CLK3: variants seen among roughly 807,000 people sequenced by gnomAD.
The protein encoded by CLK3 is dual specificity protein kinase CLK3.
CLK3 carries 24 observed loss-of-function variants against 65.2 expected under a neutral mutation model. That is an observed-to-expected ratio of 0.37 (90% CI 0.27 to 0.52). CLK3 has a LOEUF of 0.52. Ranked by LOEUF, CLK3 falls within the 20% of genes least tolerant of loss-of-function variation. The probability of loss-of-function intolerance (pLI) is 0.92; values close to 1 mark genes in which losing one functional copy is unlikely to be tolerated. For synonymous variants in CLK3, 252 were observed against 240.8 expected, an observed-to-expected ratio of 1.05 and a Z score of -0.43; for missense variants, 506 against 660.0, an observed-to-expected ratio of 0.77 and a Z score of 2.56.
chr15:74,617,297 G>A (rs186538370), intron 1 of CLK3, among the ~76,000 whole-genome samples: 27 of 152,314 alleles, frequency 1.8e-4, no homozygotes, highest in African/African-American at 6.5e-4. Context: ...CAGTTTCCTT[G>A]GAAGGGACTT....
In CLK3 at chr15:74,620,200, C is replaced by T; in HGVS notation, c.344C>T (p.Thr115Ile). The change falls in exon 3 of 13, where the codon ACC becomes ATC. Residue 115 changes from threonine to isoleucine, a missense_variant. By Grantham distance (89) the Thr-to-Ile change is moderately conservative (BLOSUM62 -1). Coordinates refer to ENST00000395066, the MANE Select transcript of CLK3 (RefSeq NM_001130028.2). ...KHAHHCHKRR[T>I]RSCSSASSRS... ...GCCCACCACTGCCACAAACGCCGCA[C>T]CAGGTCTTGTAGCAGCGCCTCCTCG... is the stretch of plus-strand genomic sequence containing the variant. 2 of 1,614,094 alleles carry T rather than the reference C, an allele frequency of 1.2e-6. No homozygotes were observed. Among genetic ancestry groups the T allele is most frequent in the Non-Finnish European group, 1.7e-6 (2 of 1,180,038 alleles).
Position 74,627,808 on chromosome 15 carries a change from C to T in CLK3, c.1042+140C>T. ...AGACCAAGGGGCCAGTGTCATGAGA[C>T]ACAGGTGACTGACCTGGCTTTATCT... On this transcript the variant is annotated intron_variant, in intron 9 of 12. Coordinates refer to ENST00000395066, the MANE Select transcript of CLK3 (RefSeq NM_001130028.2). This position sits in a 1 kb window ranked among gnomAD's most constrained non-coding sequence, Gnocchi z 4.3. The T allele has an allele frequency of 7.6e-7, 1 of 1,307,514 alleles. No homozygotes were observed. 81.0% of individuals were successfully genotyped at this position (1,307,514 alleles called of 1,614,324 possible). A position where few individuals can be genotyped will look rare whatever the true frequency, so the allele number is the denominator to read the frequency against.
upstream of CLK3, chr15:74,614,958 C>G (rs976497780): frequency 6.5e-6 from 1 of 154,686 alleles, no homozygotes; most frequent in Non-Finnish European, 1.4e-5. Context: ...GCGGGACGCG[C>G]ACGCTCACAG....
At chr15:74,628,163 C>T (rs2062158799) in intron 10 of CLK3, 111 bp downstream of exon 10, 2 of 750,390 alleles carry the variant, frequency 2.7e-6, no homozygotes, top group African/African-American at 1.7e-5. Flanking sequence ...TCTTCCTCCT[C>T]CCACTAATCA....
In CLK3 at chr15:74,622,724, C is replaced by G. The variant is rs1267408464; in HGVS notation, c.533+164C>G. 6.6e-6 allele frequency among the ~76,000 whole-genome samples: 1 copy of G among 152,072 alleles called. No individual in the cohort carries two copies. The highest frequency in any genetic ancestry group is 1.5e-5 in the Non-Finnish European group (1 of 68,016). On this transcript the variant is annotated intron_variant, in intron 5 of 12. Transcript: ENST00000395066. The surrounding 1 kb of genome is among the most constrained non-coding windows in gnomAD (Gnocchi z 4.6). ...TGTCCATGTTGGGGTTTTGCTGACC[C>G]CCTGTAATAAGGGAGAAATTCTTGG...
upstream of CLK3, chr15:74,615,628 G>A (rs1257803567): frequency 1.6e-6 from 2 of 1,252,176 alleles, no homozygotes; most frequent in Non-Finnish European, 2.0e-6. Context: ...GCGACACGGC[G>A]GGAGGCGGGC....
chr15:74,621,979 TG>T lies in CLK3; in HGVS notation c.370-138del, dbSNP rs762417322. 9 of 730,806 alleles carry T rather than the reference TG, an allele frequency of 1.2e-5. No individual in the cohort carries two copies. Among genetic ancestry groups the T allele is most frequent in the Non-Finnish European group, 2.0e-5 (8 of 404,244 alleles). 45.3% of individuals were successfully genotyped at this position (730,806 alleles called of 1,614,324 possible). A position where few individuals can be genotyped will look rare whatever the true frequency, so the allele number is the denominator to read the frequency against. ...ATATGCTGTGTGCCTTATGAAATGC[TG>T]GGATCTGGAAAATCCAACCAACCAA... On this transcript the variant is annotated intron_variant, in intron 3 of 12. Transcript: ENST00000395066. This position sits in a 1 kb window ranked among gnomAD's most constrained non-coding sequence, Gnocchi z 4.8.
chr15:74,625,863 C>T lies in CLK3; in HGVS notation c.712C>T (p.Leu238Phe). ...CGGTCACATGTGCATCGCCTTTGAGCTCCTGGGCAAGAACACCTTTGAGTT... is the reference window on the plus strand; with the variant it reads ...CGGTCACATGTGCATCGCCTTTGAGTTCCTGGGCAAGAACACCTTTGAGTT... ...FHGHMCIAFELLGKNTFEFLK... is the reference protein window; with the variant it reads ...FHGHMCIAFEFLGKNTFEFLK... Residue 238 changes from leucine (L) to phenylalanine (F), a missense_variant, in exon 7 of 13, where the codon CTC becomes TTC. Around this residue, in one of 2 missense-constraint regions of CLK3, gnomAD observed 325 missense variants for 500.5 expected, o/e 0.65. Coordinates refer to ENST00000395066, the MANE Select transcript of CLK3 (RefSeq NM_001130028.2). 1 of 1,614,138 alleles carries T rather than the reference C, an allele frequency of 6.2e-7. No individual in the cohort carries two copies. Among genetic ancestry groups the T allele is most frequent in the South Asian group, 1.1e-5 (1 of 91,084 alleles).
Position 74,620,221 on chromosome 15 carries a change from C to G in CLK3, c.365C>G (p.Ser122Cys). ...CGCACCAGGTCTTGTAGCAGCGCCTCCTCGGTGAGTGGTAGCCAGAGTGTG... is the reference window on the plus strand; with the variant it reads ...CGCACCAGGTCTTGTAGCAGCGCCTGCTCGGTGAGTGGTAGCCAGAGTGTG... ...KRRTRSCSSA[S>C]SRSQQSSKRS... The change falls in exon 3 of 13, where the codon TCC becomes TGC. Residue 122 changes from serine (S) to cysteine (C), a missense_variant. Coordinates refer to ENST00000395066, the MANE Select transcript of CLK3 (RefSeq NM_001130028.2). The G allele has an allele frequency of 6.2e-7, 1 of 1,613,990 alleles. No homozygotes were observed.
upstream of CLK3, among the ~76,000 whole-genome samples, chr15:74,612,997 G>A (rs1260158150): frequency 6.6e-6 from 1 of 152,246 alleles, no homozygotes; most frequent in Non-Finnish European, 1.5e-5. Flanking sequence ...TGAGCAGGGG[G>A]GCAGGCCAGG....
In CLK3 at chr15:74,617,661, G is replaced by GT. The variant is rs1596286071; in HGVS notation, c.1-1535dup. On this transcript the variant is annotated intron_variant, in intron 1 of 12. Coordinates refer to ENST00000395066, the MANE Select transcript of CLK3 (RefSeq NM_001130028.2). ...GTCCCAGGAGGTAGTCTTTGGCGTGGTGTGACTGTGACTGTGTCCTCCAGC... is the reference window on the plus strand; with the variant it reads ...GTCCCAGGAGGTAGTCTTTGGCGTGGTTGTGACTGTGACTGTGTCCTCCAGC... Among the ~76,000 whole-genome samples, 4 of 152,354 alleles carry GT rather than the reference G, an allele frequency of 2.6e-5. No individual in the cohort carries two copies. In the East Asian group the frequency reaches 7.7e-4, roughly 29 times the overall value.
chr15:74,615,374 C>A, upstream of CLK3: 1 of 1,181,650 alleles, frequency 8.5e-7, no homozygotes, highest in Middle Eastern at 3.2e-4. Flanking sequence ...TCGTTTCGCG[C>A]AAGCGGAGTC....
In CLK3 at chr15:74,624,020, G is replaced by T. The variant is rs1258672669; in HGVS notation, c.534-882G>T. On this transcript the variant is annotated intron_variant, in intron 5 of 12. Coordinates refer to ENST00000395066, the MANE Select transcript of CLK3 (RefSeq NM_001130028.2). The surrounding 1 kb of genome is among the most constrained non-coding windows in gnomAD (Gnocchi z 4.2). ...TGGGAAAATAGGTAGGGAGAAAAAA[G>T]CAGGGGATTCTCTAGAAGGTCCCTT... 1 of 152,226 alleles carries T rather than the reference G, an allele frequency of 6.6e-6. No individual in the cohort carries two copies. The highest frequency in any genetic ancestry group is 1.5e-5 in the Non-Finnish European group (1 of 68,054). 9.4% of individuals were successfully genotyped at this position (152,226 alleles called of 1,614,324 possible).
chr15:74,617,686 C>T (rs2062071066), intron 1 of CLK3, among the ~76,000 whole-genome samples: 1 of 152,242 alleles, frequency 6.6e-6, no homozygotes, highest in African/African-American at 2.4e-5. Context: ...TGTCCTCCAG[C>T]TCTGGTGTTT....
At chr15:74,625,772 G>T (rs1362568374) in intron 6 of CLK3, 30 bp from the exon 7 acceptor site, 1 of 1,613,062 alleles carries the variant, frequency 6.2e-7, no homozygotes, top group East Asian at 2.2e-5. Context: ...CCAGCACACA[G>T]CCTGAGCCCT....
upstream of CLK3, chr15:74,613,617 G>T (rs1448798321): frequency 2.0e-5 from 3 of 152,236 alleles, no homozygotes; most frequent in Non-Finnish European, 4.4e-5. Context: ...ATTCTCAGTG[G>T]TGGGCAGTTT....
chr15:74,615,384 C>T (rs572106535), upstream of CLK3: 24 of 1,208,792 alleles, frequency 2.0e-5, no homozygotes, highest in Non-Finnish European at 2.4e-5. Flanking sequence ...CAAGCGGAGT[C>T]GCGTCCGCCT....
chr15:74,625,040 G>C, intron 6 of CLK3, 22 bp downstream of exon 6: 1 of 1,576,016 alleles, frequency 6.3e-7, no homozygotes, highest in East Asian at 2.2e-5. Flanking sequence ...CAAGGAGTGG[G>C]AGGGAAGCCT....
upstream of CLK3, among the ~76,000 whole-genome samples, chr15:74,611,519 G>A (rs907070651): frequency 5.3e-5 from 8 of 152,342 alleles, no homozygotes; most frequent in East Asian, 1.9e-4. Context: ...TTGCCAGCTC[G>A]GCCCTCTGCT....
Sources: gnomAD v4.1 joint callset for allele counts (sites outside exome capture counted in the v4.1 genomes callset) on GRCh38, gnomAD v4.1.1 for gene constraint, gnomAD v4.1.1 regional missense constraint, Gnocchi (gnomAD v3.1) non-coding constraint, MANE v1.5 for transcripts, NCBI Gene and HGNC (gene_info 2026-07-23, HGNC 2026-07-21) for gene names.